PKHD1L1: variants seen among roughly 807,000 people sequenced by gnomAD.
The protein encoded by PKHD1L1 is PKHD1 like 1, also known as fibrocystin-L.
Under a neutral mutation model 462.9 loss-of-function variants are expected in PKHD1L1, and 434 were observed. The observed-to-expected ratio is 0.94, with a 90% CI of 0.87 to 1.02. PKHD1L1 has a LOEUF of 1.02. Ranked by LOEUF, PKHD1L1 falls within the 50% of genes least tolerant of loss-of-function variation. The pLI, the probability that PKHD1L1 is intolerant of heterozygous loss-of-function variation, is 0.00. For synonymous variants in PKHD1L1, 1,781 were observed against 1,750.0 expected (o/e 1.02, Z -0.44); for missense variants, 5,202 against 5,096.1 (o/e 1.02, Z -0.63).
At position 109,384,085 on chromosome 8, in the gene PKHD1L1, A is replaced by T; in HGVS notation, c.433A>T (p.Thr145Ser). Residue 145 changes from threonine to serine, a missense_variant, in exon 5 of 78, where the codon ACC becomes TCC. Around this residue, in one of 3 missense-constraint regions of PKHD1L1, gnomAD observed 4,497 missense variants for 4,336.8 expected, o/e 1.04. Coordinates refer to ENST00000378402, the MANE Select transcript of PKHD1L1 (RefSeq NM_177531.6). Reference sequence around the variant, plus strand: ...CTTTTTACAGGCAAAAAGTTTTAGAACCCCAACAATAAGAAGCATCACACC... The same window carrying T: ...CTTTTTACAGGCAAAAAGTTTTAGATCCCCAACAATAAGAAGCATCACACC... The part of the protein sequence containing the change: ...ECTFNAKSFR[T>S]PTIRSITPLS... 6.2e-7 allele frequency: 1 copy of T among 1,610,336 alleles called. No individual in the cohort carries two copies. Among genetic ancestry groups the T allele is most frequent in the Non-Finnish European group, 8.5e-7 (1 of 1,176,950 alleles).
rs528212225 is a variant in PKHD1L1 at position 109,482,773 on chromosome 8, A to G, written c.9458-214A>G. Among the ~76,000 whole-genome samples the G allele has an allele frequency of 4.9e-4, 74 of 151,808 alleles. No individual in the cohort carries two copies. In the South Asian group the frequency reaches 0.015, roughly 31 times the overall value. On this transcript the variant is annotated intron_variant, in intron 56 of 77. Transcript: ENST00000378402. ...AGCATCTTCATTCATGTACTCTTGT[A>G]TACTGGCTTTAATGTCTATGAGCCA...
At chr8:109,475,300 T>C (rs1187300630) in intron 51 of PKHD1L1, 31 bp downstream of exon 51, 3 of 1,523,722 alleles carry the variant, frequency 2.0e-6, no homozygotes, top group Non-Finnish European at 2.7e-6. Flanking sequence ...ATGATTATAA[T>C]TGTGTATTAC....
chr8:109,399,254 A>C (rs1813130012), intron 12 of PKHD1L1, among the ~76,000 whole-genome samples: 1 of 152,288 alleles, frequency 6.6e-6, no homozygotes, highest in East Asian at 1.9e-4. Context: ...GACTTTAAAG[A>C]AAATTGTGTA....
chr8:109,390,600 T>C lies in PKHD1L1; in HGVS notation c.740+106T>C, dbSNP rs181499723. ...TAGATGCAGAGGTTTAAAAATTAAC[T>C]ACTTTTTTTCCCCAATTAACAGTTA... On this transcript the variant is annotated intron_variant, in intron 9 of 77. Coordinates refer to ENST00000378402, the MANE Select transcript of PKHD1L1 (RefSeq NM_177531.6). 5.3e-3 allele frequency: 3,037 copies of C among 575,164 alleles called. 148 individuals carry two copies. The Admixed American group carries it at 0.095, about 18-fold the overall frequency. 35.6% of individuals were successfully genotyped at this position (575,164 alleles called of 1,614,324 possible).
In PKHD1L1 at chr8:109,390,437, T is replaced by C; in HGVS notation, c.698-15T>C. 1 of 1,393,106 alleles carries C rather than the reference T, an allele frequency of 7.2e-7. No individual in the cohort carries two copies. The highest frequency in any genetic ancestry group is 1.5e-5 in the South Asian group (1 of 65,508). 86.3% of individuals were successfully genotyped at this position (1,393,106 alleles called of 1,614,324 possible). On this transcript the variant is annotated splice_polypyrimidine_tract_variant and intron_variant, in intron 8 of 77. Coordinates refer to ENST00000378402, the MANE Select transcript of PKHD1L1 (RefSeq NM_177531.6). ...CTGGGAATTTAATTGATTGTGTATT[T>C]TCATTAAATTCCAGGTCATCACAAT...
At chr8:109,494,725 C>G (rs1208734574) in intron 63 of PKHD1L1, among the ~76,000 whole-genome samples, 1 of 151,814 alleles carries the variant, frequency 6.6e-6, no homozygotes, top group Non-Finnish European at 1.5e-5. Flanking sequence ...TTTGTATTTA[C>G]ATAAGGAAAG....
intron 50 of PKHD1L1, chr8:109,470,678 A>C (rs1817671038): frequency 1.3e-6 from 2 of 1,581,488 alleles, no homozygotes; most frequent in Non-Finnish European, 1.7e-6. Flanking sequence ...AGCTGAGAAA[A>C]ACAGGAAAAA....
intron 9 of PKHD1L1, among the ~76,000 whole-genome samples, chr8:109,393,996 A>AC (rs1226739473): frequency 1.3e-5 from 2 of 151,950 alleles, no homozygotes; most frequent in Non-Finnish European, 1.5e-5. Context: ...ACATAGTGAA[A>AC]CCCCGTCTCT....
In PKHD1L1 at chr8:109,436,444, C is replaced by A. The variant is rs148689290; in HGVS notation, c.3612C>A (p.Thr1204=). The A allele has an allele frequency of 2.3e-4, 377 of 1,612,516 alleles. 2 individuals are homozygous for A. In the African/African-American group the frequency reaches 4.8e-3, roughly 20 times the overall value. Residue 1204 remains threonine, a synonymous_variant, in exon 30 of 78, where the codon ACC becomes ACA. Coordinates refer to ENST00000378402, the MANE Select transcript of PKHD1L1 (RefSeq NM_177531.6). ...NVIEGDLNRI[T]CRTPKKTEGT... ...TTGAAGGGGATTTGAATAGGATAAC[C>A]TGCAGGACACCAAAAGTAAGGCCTC...
chr8:109,395,442 T>C (rs1812920675), intron 10 of PKHD1L1, among the ~76,000 whole-genome samples: 1 of 152,198 alleles, frequency 6.6e-6, no homozygotes, highest in Admixed American at 6.5e-5. Flanking sequence ...TTTTTGTGAA[T>C]CAATCAAATG....
Position 109,486,740 on chromosome 8 carries a change from GATT to G in PKHD1L1, c.9801_9803del (p.Tyr3268del), listed in dbSNP as rs746787663. 37 of 1,612,524 alleles carry G rather than the reference GATT, an allele frequency of 2.3e-5. No individual in the cohort carries two copies. In the African/African-American group the frequency reaches 3.3e-4, roughly 15 times the overall value. ...TAGGAACATCAAAATAGTTGGTGAA[GATT>G]ACCCCGGTTGGTCTGAGGACTCTTT... On this transcript the variant is annotated inframe_deletion, in exon 59 of 78. Transcript: ENST00000378402.
chr8:109,504,312 T>C lies in PKHD1L1; in HGVS notation c.10829-15T>C. 1 of 1,368,124 alleles carries C rather than the reference T, an allele frequency of 7.3e-7. No individual in the cohort carries two copies. The highest frequency in any genetic ancestry group is 1.5e-5 in the South Asian group (1 of 66,424). The allele number at this position is 1,368,124 out of a possible 1,614,324, so 84.7% of individuals were successfully genotyped here. Reference sequence around the variant, plus strand: ...TTTAGAGAAAATAATCACTTATCTATTATTTATGTTTTAGGTTCAACATTT... The same window carrying C: ...TTTAGAGAAAATAATCACTTATCTACTATTTATGTTTTAGGTTCAACATTT... On this transcript the variant is annotated splice_polypyrimidine_tract_variant and intron_variant, in intron 67 of 77. Transcript: ENST00000378402.
At chr8:109,501,275 C>G (rs1819397410) in intron 67 of PKHD1L1, among the ~76,000 whole-genome samples, 1 of 152,136 alleles carries the variant, frequency 6.6e-6, no homozygotes, top group Non-Finnish European at 1.5e-5. Context: ...ATGATTGGAG[C>G]AATTCTTCCA....
intron 21 of PKHD1L1, among the ~76,000 whole-genome samples, chr8:109,415,860 AAGGGGT>A (rs1563752244): frequency 1.1e-5 from 1 of 95,186 alleles, no homozygotes; most frequent in South Asian, 3.5e-4. Context: ...AAAAAAAAAA[AAGGGGT>A]GTGTGTGTGT....
intron 14 of PKHD1L1, among the ~76,000 whole-genome samples, chr8:109,403,063 A>G (rs1813354883): frequency 6.6e-6 from 1 of 152,180 alleles, no homozygotes. Flanking sequence ...TTGGTTTTGG[A>G]AAATGAGTTC....
rs149401216 is a variant in PKHD1L1, at chr8:109,527,280, T to C, written c.12721+260T>C. On this transcript the variant is annotated intron_variant, in intron 77 of 77. Transcript: ENST00000378402. ...ATTTTGGGCGGCTGAGGCAGGTGGATCACCTGAGGTCAGGAGTTGGAGACC... is the reference window on the plus strand; with the variant it reads ...ATTTTGGGCGGCTGAGGCAGGTGGACCACCTGAGGTCAGGAGTTGGAGACC... 6.1e-3 allele frequency among the ~76,000 whole-genome samples: 922 copies of C among 152,222 alleles called. 11 individuals are homozygous for C. The highest frequency in any genetic ancestry group is 0.02 in the African/African-American group (845 of 41,532).
At chr8:109,477,430 T>C in intron 53 of PKHD1L1, 34 bp downstream of exon 53, 1 of 1,550,192 alleles carries the variant, frequency 6.5e-7, no homozygotes, top group Non-Finnish European at 8.9e-7. Flanking sequence ...TACCCTTCAA[T>C]ATCTCTTAAC....
chr8:109,462,109 T>C (rs182104671), intron 48 of PKHD1L1, among the ~76,000 whole-genome samples: 1 of 152,162 alleles, frequency 6.6e-6, no homozygotes, highest in Non-Finnish European at 1.5e-5. Context: ...ATCGAATTAA[T>C]CAGCATTTCT....
At chr8:109,394,768 T>A (rs1052289300) in intron 10 of PKHD1L1, among the ~76,000 whole-genome samples, 1 of 152,150 alleles carries the variant, frequency 6.6e-6, no homozygotes, top group African/African-American at 2.4e-5. Context: ...TGGCTATTGG[T>A]AGAGGGAGGG....
Sources: gnomAD v4.1 joint callset for allele counts (sites outside exome capture counted in the v4.1 genomes callset) on GRCh38, gnomAD v4.1.1 for gene constraint, gnomAD v4.1.1 regional missense constraint, MANE v1.5 for transcripts, NCBI Gene and HGNC (gene_info 2026-07-23, HGNC 2026-07-21) for gene names.